Variants in ZNF705A observed in about 807,000 individuals in gnomAD.
The protein encoded by ZNF705A is zinc finger protein 705A.
Under a neutral mutation model 16.6 loss-of-function variants are expected in ZNF705A, and 8 were observed. The observed-to-expected ratio is 0.48, with a 90% CI of 0.28 to 0.87. The LOEUF is 0.87. Ranked by LOEUF, ZNF705A falls within the 40% of genes least tolerant of loss-of-function variation. The pLI is 0.10. For missense variants in ZNF705A, 233 were observed against 359.9 expected (o/e 0.65, Z 2.85); for synonymous variants, 73 against 117.3 (o/e 0.62, Z 2.44).
At chr12:8,162,123 A>G (rs1948360969) in intron 1 of ZNF705A, among the ~76,000 whole-genome samples, 1 of 152,204 alleles carries the variant, frequency 6.6e-6, no homozygotes, top group African/African-American at 2.4e-5. Context: ...CTATGCCCCC[A>G]GACCAGAAGA....
intron 1 of ZNF705A, among the ~76,000 whole-genome samples, chr12:8,166,427 GT>G (rs1365291243): frequency 1.3e-5 from 2 of 152,318 alleles, no homozygotes; most frequent in Non-Finnish European, 2.9e-5. Flanking sequence ...CATGGGGGCA[GT>G]TTTTCCCATG....
chr12:8,177,435 G>A, exon 5 of ZNF705A: 1 of 1,612,064 alleles, frequency 6.2e-7, no homozygotes, highest in Non-Finnish European at 8.5e-7. Context: ...ACTCACCTTG[G>A]AAAAAAGTGT....
At chr12:8,171,838 G>A (rs1948447981), upstream of ZNF705A, among the ~76,000 whole-genome samples, 5 of 152,282 alleles carry the variant, frequency 3.3e-5, no homozygotes, top group South Asian at 1.0e-3. Context: ...CCGGGTTCAA[G>A]AGATTCTCCT....
upstream of ZNF705A, chr12:8,168,968 T>C (rs1481395260): frequency 6.6e-6 from 1 of 152,224 alleles, no homozygotes; most frequent in Non-Finnish European, 1.5e-5. Context: ...ATTGTATTGG[T>C]ACTTTTACGT....
chr12:8,158,525 A>G (rs1332642939), intron 1 of ZNF705A, among the ~76,000 whole-genome samples: 2 of 152,068 alleles, frequency 1.3e-5, no homozygotes. Flanking sequence ...CATACATATA[A>G]ATATCTATAC....
intron 1 of ZNF705A, among the ~76,000 whole-genome samples, chr12:8,159,274 C>T (rs987009357): frequency 6.6e-6 from 1 of 152,176 alleles, no homozygotes; most frequent in African/African-American, 2.4e-5. Flanking sequence ...CTGCTATTAA[C>T]ATGCATGTGC....
intron 1 of ZNF705A, among the ~76,000 whole-genome samples, chr12:8,165,007 A>T (rs1290486779): frequency 2.6e-5 from 4 of 152,136 alleles, no homozygotes; most frequent in Admixed American, 6.5e-5. Context: ...AGTTTTATTT[A>T]AAAAAATTTT....
intron 1 of ZNF705A, among the ~76,000 whole-genome samples, chr12:8,158,747 G>GT (rs1948329683): frequency 6.6e-6 from 1 of 151,724 alleles, no homozygotes; most frequent in East Asian, 1.9e-4. Flanking sequence ...TTTTCTTTAC[G>GT]TTTTTTTCTC....
In ZNF705A at chr12:8,161,615, G is replaced by A. The variant is rs961987876; in HGVS notation, c.-72+4523G>A. On this transcript the variant is annotated intron_variant, in intron 1 of 5. Transcript: ENST00000396570. ...TGTTCATAGTAGCCTTGAATGATCAGTGGTGTCAGTTGTAATATCTCCTGT... is the reference window on the plus strand; with the variant it reads ...TGTTCATAGTAGCCTTGAATGATCAATGGTGTCAGTTGTAATATCTCCTGT... Among the ~76,000 whole-genome samples the A allele has an allele frequency of 2.6e-5, 4 of 152,268 alleles. No homozygotes were observed. The South Asian group carries it at 8.3e-4, about 32-fold the overall frequency.
At chr12:8,160,194 T>C (rs1273331645) in intron 1 of ZNF705A, among the ~76,000 whole-genome samples, 4 of 152,202 alleles carry the variant, frequency 2.6e-5, no homozygotes, top group Admixed American at 1.3e-4. Flanking sequence ...TGCCTGTTTT[T>C]ACACCAGTAC....
At chr12:8,176,928 C>T in intron 4 of ZNF705A, 71 bp from the exon 6 acceptor site, 1 of 1,563,974 alleles carries the variant, frequency 6.4e-7, no homozygotes, top group South Asian at 1.1e-5. Context: ...GTCTAGGATT[C>T]AAAGGTAGTG....
intron 1 of ZNF705A, among the ~76,000 whole-genome samples, chr12:8,174,106 G>A (rs938141995): frequency 3.9e-5 from 6 of 152,244 alleles, no homozygotes; most frequent in Middle Eastern, 3.4e-3. Context: ...CACCTCACGC[G>A]ATATTTCTTT....
intron 1 of ZNF705A, among the ~76,000 whole-genome samples, chr12:8,161,212 T>C (rs905206304): frequency 1.3e-5 from 2 of 152,116 alleles, no homozygotes; most frequent in Non-Finnish European, 2.9e-5. Flanking sequence ...AGCTAGTATG[T>C]TGTTAAGGAT....
chr12:8,172,644 A>T lies in ZNF705A; in HGVS notation c.12+7A>T, dbSNP rs1459486459. 2 of 1,596,446 alleles carry T rather than the reference A, an allele frequency of 1.3e-6. No individual in the cohort carries two copies. ...CCGGACAATGCATTCACTAGTGAGT[A>T]GGGGATGCTTCTTTCTACTGAAATT... is the stretch of plus-strand genomic sequence containing the variant. On this transcript the variant is annotated splice_region_variant and intron_variant, in intron 1 of 4. Coordinates refer to ENST00000359286, the Ensembl canonical transcript of ZNF705A.
chr12:8,159,103 G>GT (rs1948332989), intron 1 of ZNF705A, among the ~76,000 whole-genome samples: 1 of 152,020 alleles, frequency 6.6e-6, no homozygotes, highest in East Asian at 1.9e-4. Context: ...TAGAATAATA[G>GT]TCTCCAGTCT....
intron 1 of ZNF705A, among the ~76,000 whole-genome samples, chr12:8,166,491 G>A (rs1246464614): frequency 6.6e-6 from 1 of 152,204 alleles, no homozygotes; most frequent in Non-Finnish European, 1.5e-5. Flanking sequence ...TTGATAAGGG[G>A]AAACCAGTTT....
intron 1 of ZNF705A, among the ~76,000 whole-genome samples, chr12:8,166,308 TGAAG>T (rs1219603540): frequency 1.3e-5 from 2 of 152,214 alleles, no homozygotes; most frequent in East Asian, 3.9e-4. Flanking sequence ...GAGATCCAGG[TGAAG>T]GCTTCTGATA....
intron 1 of ZNF705A, among the ~76,000 whole-genome samples, chr12:8,164,631 C>T (rs1300007504): frequency 1.3e-5 from 2 of 152,122 alleles, no homozygotes; most frequent in East Asian, 1.9e-4. Flanking sequence ...TAATGGCTTC[C>T]AGTTCCATTC....
intron 1 of ZNF705A, among the ~76,000 whole-genome samples, chr12:8,157,779 A>C (rs1298356880): frequency 6.6e-6 from 1 of 152,156 alleles, no homozygotes; most frequent in Non-Finnish European, 1.5e-5. Flanking sequence ...TAAACTGTGA[A>C]ATGTTGACCT....
Sources: gnomAD v4.1 joint callset for allele counts (sites outside exome capture counted in the v4.1 genomes callset) on GRCh38, gnomAD v4.1.1 for gene constraint, MANE v1.5 for transcripts, NCBI Gene and HGNC (gene_info 2026-07-23, HGNC 2026-07-21) for gene names.